Variants in EVA1C observed in about 807,000 individuals in gnomAD.
EVA1C encodes the protein eva-1 homolog C, also known as protein eva-1 homolog C.
A neutral mutation model predicts 45.4 loss-of-function variants in EVA1C; 25 were observed. That is an observed-to-expected ratio of 0.55 (90% CI 0.40 to 0.77). The LOEUF is 0.77. EVA1C is among the 30% of genes least tolerant of loss of function. The probability of loss-of-function intolerance (pLI) is 0.00; values close to 1 mark genes in which losing one functional copy is unlikely to be tolerated. For missense variants in EVA1C, 479 were observed against 554.8 expected (o/e 0.86, Z 1.37); for synonymous variants, 190 against 221.2 (o/e 0.86, Z 1.25).
intron 1 of EVA1C, among the ~76,000 whole-genome samples, chr21:32,436,468 ACT>A (rs547120702): frequency 8.5e-5 from 13 of 152,274 alleles, no homozygotes; most frequent in Non-Finnish European, 1.9e-4. Context: ...AATAACTATG[ACT>A]CTGCTATCTT....
rs889288519 is a variant in EVA1C, at chr21:32,513,963, TAC to T, written c.950-849_950-848del. On this transcript the variant is annotated intron_variant, in intron 7 of 7. Transcript: ENST00000300255. ...GATAGTTGCATCTTTACCAAACATG[TAC>T]AGACATTTTTTCTCCTGTCATTATT... 2.6e-4 allele frequency among the ~76,000 whole-genome samples: 40 copies of T among 152,344 alleles called. 2 individuals are homozygous for T. The highest frequency in any genetic ancestry group is 3.4e-3 in the Middle Eastern group (1 of 294).
chr21:32,499,711 T>C (rs141789984), intron 5 of EVA1C, among the ~76,000 whole-genome samples: 1,975 of 152,346 alleles, frequency 0.013, 51 homozygotes, highest in African/African-American at 0.045. Flanking sequence ...GCTACTTCTC[T>C]GAGATCTCAG....
chr21:32,457,241 C>A (rs2035817697), intron 2 of EVA1C, among the ~76,000 whole-genome samples: 1 of 152,130 alleles, frequency 6.6e-6, no homozygotes, highest in African/African-American at 2.4e-5. Context: ...CGAAGGGGAC[C>A]CTGAAGTACC....
chr21:32,514,365 T>G (rs1315049293), intron 7 of EVA1C, among the ~76,000 whole-genome samples: 1 of 152,232 alleles, frequency 6.6e-6, no homozygotes, highest in African/African-American at 2.4e-5. Flanking sequence ...AGCACTTTAT[T>G]GAGCATTTAC....
intron 1 of EVA1C, among the ~76,000 whole-genome samples, chr21:32,430,034 G>A (rs977005354): frequency 2.6e-5 from 4 of 152,200 alleles, no homozygotes; most frequent in Admixed American, 6.5e-5. Flanking sequence ...ACGACTCTGG[G>A]CAGTACAGCT....
intron 7 of EVA1C, among the ~76,000 whole-genome samples, chr21:32,509,967 C>T (rs551048050): frequency 1.3e-5 from 2 of 150,700 alleles, no homozygotes; most frequent in African/African-American, 4.9e-5. Flanking sequence ...TGACAAGGGC[C>T]AGGTCATAGC....
At chr21:32,469,292 G>A (rs1201698023) in intron 4 of EVA1C, among the ~76,000 whole-genome samples, 2 of 152,218 alleles carry the variant, frequency 1.3e-5, no homozygotes, top group Non-Finnish European at 2.9e-5. Context: ...AAGGGCAGGT[G>A]GAGAAGGCCA....
At chr21:32,483,960 TTATGTGTG>T (rs1428925087) in intron 4 of EVA1C, among the ~76,000 whole-genome samples, 1 of 113,910 alleles carries the variant, frequency 8.8e-6, no homozygotes, top group African/African-American at 3.6e-5. Context: ...TCCTCACTGT[TTATGTGTG>T]TGTGTGTGTG....
Position 32,452,744 on chromosome 21 carries a change from C to A in EVA1C, c.161-568C>A. On this transcript the variant is annotated intron_variant, in intron 1 of 7. Coordinates refer to ENST00000300255, the MANE Select transcript of EVA1C (RefSeq NM_058187.5). The surrounding 1 kb of genome is among the most constrained non-coding windows in gnomAD (Gnocchi z 4.0). ...AAGGGGGATGGAGTGGGAAGGTGGT[C>A]TTCCCCTAGAGTTGGGCTGCCCAGC... 6.6e-6 allele frequency: 1 copy of A among 152,458 alleles called. No homozygotes were observed. Among genetic ancestry groups the A allele is most frequent in the South Asian group, 2.0e-4 (1 of 4,980 alleles). 9.4% of individuals were successfully genotyped at this position (152,458 alleles called of 1,614,324 possible).
intron 5 of EVA1C, 55 bp downstream of exon 5, chr21:32,495,225 G>T (rs2037311020): frequency 6.3e-7 from 1 of 1,590,108 alleles, no homozygotes; most frequent in East Asian, 2.2e-5. Flanking sequence ...TTGGGGGAGG[G>T]TGGTGACCAT....
At chr21:32,510,043 CT>C (rs58017017) in intron 7 of EVA1C, among the ~76,000 whole-genome samples, 6,770 of 114,486 alleles carry the variant, frequency 0.059, 127 homozygotes, top group African/African-American at 0.12. Flanking sequence ...TCCGACATTC[CT>C]TTTTTTTTTT....
At chr21:32,430,547 G>A (rs1330225535) in intron 1 of EVA1C, among the ~76,000 whole-genome samples, 1 of 152,144 alleles carries the variant, frequency 6.6e-6, no homozygotes, top group African/African-American at 2.4e-5. Flanking sequence ...AAGAAAAAGA[G>A]GTTTAATGGA....
intron 6 of EVA1C, among the ~76,000 whole-genome samples, chr21:32,502,119 T>C (rs1237409382): frequency 6.6e-6 from 1 of 151,518 alleles, no homozygotes; most frequent in Non-Finnish European, 1.5e-5. Context: ...CTTCTTTTTC[T>C]TTGGAGTTTC....
intron 7 of EVA1C, among the ~76,000 whole-genome samples, chr21:32,507,718 A>ATG (rs796868629): frequency 2.0e-5 from 3 of 148,846 alleles, no homozygotes; most frequent in Non-Finnish European, 4.4e-5. Context: ...GTGTGTGTGC[A>ATG]TGTGTGTGCA....
chr21:32,471,819 A>G (rs763710560), intron 4 of EVA1C, among the ~76,000 whole-genome samples: 16 of 151,618 alleles, frequency 1.1e-4, no homozygotes, highest in Non-Finnish European at 2.1e-4. Flanking sequence ...TAGTAGAGAC[A>G]GGGTTTCACT....
At chr21:32,458,216 C>T (rs1397519108) in intron 3 of EVA1C, among the ~76,000 whole-genome samples, 1 of 152,180 alleles carries the variant, frequency 6.6e-6, no homozygotes, top group African/African-American at 2.4e-5. Context: ...CTCCTTGTTC[C>T]CCAGGAGAAT....
chr21:32,463,625 G>A (rs1334288425), intron 3 of EVA1C, among the ~76,000 whole-genome samples: 3 of 152,078 alleles, frequency 2.0e-5, no homozygotes, highest in East Asian at 1.9e-4. Context: ...TGGGTGTTGC[G>A]TTACTGTGGG....
At chr21:32,505,944 G>T (rs2037709628) in intron 7 of EVA1C, among the ~76,000 whole-genome samples, 1 of 152,058 alleles carries the variant, frequency 6.6e-6, no homozygotes, top group Admixed American at 6.5e-5. Flanking sequence ...TGAAGCCGGT[G>T]GTCAGAGGAG....
intron 1 of EVA1C, among the ~76,000 whole-genome samples, chr21:32,436,881 T>C (rs2034975742): frequency 6.6e-6 from 1 of 152,138 alleles, no homozygotes; most frequent in Non-Finnish European, 1.5e-5. Context: ...AGATTCAGGC[T>C]GGGTGCAGTG....
Sources: gnomAD v4.1 joint callset for allele counts (sites outside exome capture counted in the v4.1 genomes callset) on GRCh38, gnomAD v4.1.1 for gene constraint, Gnocchi (gnomAD v3.1) non-coding constraint, MANE v1.5 for transcripts, NCBI Gene and HGNC (gene_info 2026-07-23, HGNC 2026-07-21) for gene names.